Variants in KCNQ5 observed in about 807,000 individuals in gnomAD.
The protein encoded by KCNQ5 is potassium voltage-gated channel subfamily Q member 5, also known as potassium voltage-gated channel subfamily KQT member 5.
KCNQ5 carries 30 observed loss-of-function variants against 98.2 expected under a neutral mutation model. That is an observed-to-expected ratio of 0.31 (90% CI 0.23 to 0.41). KCNQ5 has a LOEUF of 0.41. Ranked by LOEUF, KCNQ5 falls within the 10% of genes least tolerant of loss-of-function variation. The probability of loss-of-function intolerance (pLI) is 1.00; values close to 1 mark genes in which losing one functional copy is unlikely to be tolerated. For missense variants in KCNQ5, 835 were observed against 1,182.5 expected (o/e 0.71, Z 4.31); for synonymous variants, 458 against 449.4 (o/e 1.02, Z -0.24).
At chr6:72,757,379 T>A (rs572945747) in intron 1 of KCNQ5, among the ~76,000 whole-genome samples, 2 of 152,184 alleles carry the variant, frequency 1.3e-5, no homozygotes, top group African/African-American at 4.8e-5. Context: ...CCATTTATGA[T>A]GGGGTTATGT....
At chr6:73,158,264 T>G (rs1777459250) in intron 10 of KCNQ5, 7 of 162,238 alleles carry the variant, frequency 4.3e-5, no homozygotes, top group Non-Finnish European at 6.6e-5. Flanking sequence ...ATTTTTTTTT[T>G]TTTTTTTTTT....
intron 1 of KCNQ5, among the ~76,000 whole-genome samples, chr6:72,754,079 GA>G (rs1771831191): frequency 6.6e-6 from 1 of 152,046 alleles, no homozygotes; most frequent in Admixed American, 6.6e-5. Flanking sequence ...TAGGAATAAT[GA>G]GAGCATTCTT....
At chr6:72,910,845 A>C (rs1779914811) in intron 1 of KCNQ5, among the ~76,000 whole-genome samples, 1 of 152,164 alleles carries the variant, frequency 6.6e-6, no homozygotes, top group African/African-American at 2.4e-5. Flanking sequence ...GCACGGAAAC[A>C]GGTATAGGGA....
At chr6:72,942,424 A>G (rs548319361) in intron 1 of KCNQ5, among the ~76,000 whole-genome samples, 11 of 152,312 alleles carry the variant, frequency 7.2e-5, no homozygotes, top group African/African-American at 2.6e-4. Flanking sequence ...ACGTGGAATC[A>G]TTCTTGACAC....
At chr6:72,952,168 G>A (rs1766837328) in intron 1 of KCNQ5, among the ~76,000 whole-genome samples, 1 of 152,180 alleles carries the variant, frequency 6.6e-6, no homozygotes, top group African/African-American at 2.4e-5. Flanking sequence ...TAGTTGATGT[G>A]TCACACAACA....
rs561765098 is a variant in KCNQ5, at chr6:72,817,762, C to T, written c.399-186146C>T. ...TACCAAAATTAGGTGGGCGTGGTGG[C>T]GCGTGCCTGTAATCCCAGCTACTCA... On this transcript the variant is annotated intron_variant, in intron 1 of 13. Coordinates refer to ENST00000370398, the MANE Select transcript of KCNQ5 (RefSeq NM_019842.4). Among the ~76,000 whole-genome samples the T allele has an allele frequency of 5.3e-4, 80 of 152,066 alleles. 1 individual carries two copies. The highest frequency in any genetic ancestry group is 1.7e-3 in the African/African-American group (69 of 41,490).
At chr6:72,669,247 CA>C (rs1766977052) in intron 1 of KCNQ5, among the ~76,000 whole-genome samples, 1 of 152,044 alleles carries the variant, frequency 6.6e-6, no homozygotes, top group Non-Finnish European at 1.5e-5. Context: ...AATGGGCTTC[CA>C]AAATACAATG....
intron 1 of KCNQ5, among the ~76,000 whole-genome samples, chr6:72,989,669 C>T (rs1326029263): frequency 5.0e-3 from 1 of 202 alleles, no homozygotes; most frequent in Non-Finnish European, 0.013. Flanking sequence ...AATTAGATCC[C>T]ATTTGTCAAT....
At chr6:72,674,628 GT>G (rs1287197115) in intron 1 of KCNQ5, among the ~76,000 whole-genome samples, 8 of 152,198 alleles carry the variant, frequency 5.3e-5, no homozygotes, top group African/African-American at 1.9e-4. Context: ...AAATTAGCCA[GT>G]TGCTGTAGCA....
At chr6:72,647,020 G>A (rs116385115) in intron 1 of KCNQ5, among the ~76,000 whole-genome samples, 2,431 of 152,230 alleles carry the variant, frequency 0.016, 73 homozygotes, top group African/African-American at 0.054. Flanking sequence ...CTCTAATCAC[G>A]TCTTGTAAAT....
At chr6:72,626,540 A>C (rs377003272) in intron 1 of KCNQ5, among the ~76,000 whole-genome samples, 1 of 152,344 alleles carries the variant, frequency 6.6e-6, no homozygotes, top group East Asian at 1.9e-4. Context: ...AGTAGTGGTC[A>C]TTGAATGGTG....
At chr6:72,824,166 C>T (rs1165877496) in intron 1 of KCNQ5, among the ~76,000 whole-genome samples, 1 of 151,784 alleles carries the variant, frequency 6.6e-6, no homozygotes, top group Admixed American at 6.6e-5. Context: ...TAAATAATTA[C>T]TAATATTTGA....
At chr6:72,955,950 C>T (rs1767022208) in intron 1 of KCNQ5, among the ~76,000 whole-genome samples, 1 of 151,164 alleles carries the variant, frequency 6.6e-6, no homozygotes, top group African/African-American at 2.5e-5. Flanking sequence ...ACAAAACAAA[C>T]CCAGTAATTC....
chr6:72,854,940 C>G (rs1033154577), intron 1 of KCNQ5, among the ~76,000 whole-genome samples: 1 of 151,914 alleles, frequency 6.6e-6, no homozygotes, highest in Non-Finnish European at 1.5e-5. Flanking sequence ...GCAAATGGCT[C>G]TTGATATTGA....
chr6:72,928,036 A>G (rs944054054), intron 1 of KCNQ5, among the ~76,000 whole-genome samples: 3 of 152,110 alleles, frequency 2.0e-5, no homozygotes, highest in African/African-American at 7.2e-5. Context: ...GAAAAATTAC[A>G]TGCTAAGAAA....
intron 1 of KCNQ5, among the ~76,000 whole-genome samples, chr6:72,826,433 G>GA (rs139522114): frequency 0.28 from 41,823 of 151,920 alleles, 6,800 homozygotes; most frequent in African/African-American, 0.45. Flanking sequence ...ATAATGAATA[G>GA]AAGAAATATG....
intron 1 of KCNQ5, among the ~76,000 whole-genome samples, chr6:73,003,373 T>A (rs1769674395): frequency 6.6e-6 from 1 of 152,116 alleles, no homozygotes; most frequent in African/African-American, 2.4e-5. Flanking sequence ...TATTAATATA[T>A]GATCTTATTA....
At chr6:72,960,322 G>C (rs756842489) in intron 1 of KCNQ5, among the ~76,000 whole-genome samples, 1 of 152,136 alleles carries the variant, frequency 6.6e-6, no homozygotes. Flanking sequence ...AACATCTCCA[G>C]TCCCTTATTT....
chr6:72,663,183 T>C (rs1766616197), intron 1 of KCNQ5, among the ~76,000 whole-genome samples: 1 of 152,068 alleles, frequency 6.6e-6, no homozygotes, highest in Non-Finnish European at 1.5e-5. Context: ...AAATACCTAA[T>C]GTAGGTGATG....
Sources: allele counts gnomAD v4.1 joint callset (sites outside exome capture counted in the v4.1 genomes callset), GRCh38; gene constraint gnomAD v4.1.1; transcripts MANE v1.5; gene names NCBI Gene and HGNC (gene_info 2026-07-23, HGNC 2026-07-21).